MACROD2: variants seen among roughly 807,000 people sequenced by gnomAD.
MACROD2 encodes the protein mono-ADP ribosylhydrolase 2.
MACROD2 carries 36 observed loss-of-function variants against 70.4 expected under a neutral mutation model. The ratio of observed to expected loss-of-function variants is 0.51; its 90% CI spans 0.39 to 0.68. MACROD2 has a LOEUF of 0.68. MACROD2 is among the 30% of genes least tolerant of loss of function. The pLI is 0.00. For missense variants in MACROD2, 496 were observed against 538.4 expected (o/e 0.92, Z 0.78); for synonymous variants, 172 against 178.8 (o/e 0.96, Z 0.30).
At chr20:14,104,569 G>T (rs1342996168) in intron 3 of MACROD2, among the ~76,000 whole-genome samples, 1 of 152,162 alleles carries the variant, frequency 6.6e-6, no homozygotes, top group African/African-American at 2.4e-5. Context: ...CTATGGCTTT[G>T]GTTCTTGGAG....
chr20:14,330,839 G>T (rs2122605920), intron 3 of MACROD2, among the ~76,000 whole-genome samples: 1 of 152,108 alleles, frequency 6.6e-6, no homozygotes, highest in South Asian at 2.1e-4. Context: ...TTCTCAGTGT[G>T]TGAAAATGGA....
At chr20:14,429,971 T>G (rs1331421713) in intron 3 of MACROD2, among the ~76,000 whole-genome samples, 2 of 152,168 alleles carry the variant, frequency 1.3e-5, no homozygotes, top group Non-Finnish European at 2.9e-5. Context: ...TCGCTTTCCA[T>G]TTTCTTATAT....
chr20:14,397,435 T>C (rs1177388606), intron 3 of MACROD2, among the ~76,000 whole-genome samples: 1 of 152,236 alleles, frequency 6.6e-6, no homozygotes, highest in African/African-American at 2.4e-5. Context: ...AGTCTACTGT[T>C]CAAAAATAAC....
At chr20:15,751,932 A>G (rs11696970) in intron 8 of MACROD2, among the ~76,000 whole-genome samples, 17,020 of 151,592 alleles carry the variant, frequency 0.11, 1,090 homozygotes, top group Admixed American at 0.14. Flanking sequence ...AGAATGAGGT[A>G]CATGGCTTCC....
intron 8 of MACROD2, among the ~76,000 whole-genome samples, chr20:15,804,906 C>T (rs890947175): frequency 4.6e-5 from 7 of 152,172 alleles, no homozygotes; most frequent in Non-Finnish European, 7.3e-5. Flanking sequence ...ATGATTCCTG[C>T]ATGCCTCAGC....
chr20:14,787,360 A>T (rs1473139159), intron 5 of MACROD2, among the ~76,000 whole-genome samples: 2 of 152,066 alleles, frequency 1.3e-5, no homozygotes, highest in African/African-American at 4.8e-5. Context: ...ACAGAAAAGA[A>T]CATCTGTCAT....
At chr20:15,407,090 G>A (rs115193970) in intron 6 of MACROD2, among the ~76,000 whole-genome samples, 3,373 of 152,268 alleles carry the variant, frequency 0.022, 131 homozygotes, top group African/African-American at 0.077. Flanking sequence ...CCTGCCATGC[G>A]CAGCACCTGC....
chr20:15,648,567 C>A (rs2049589047), intron 8 of MACROD2, among the ~76,000 whole-genome samples: 3 of 152,168 alleles, frequency 2.0e-5, no homozygotes, highest in African/African-American at 7.2e-5. Flanking sequence ...GAAATCACTT[C>A]TTTGTTGTAT....
chr20:15,819,249 A>AT, intron 8 of MACROD2, among the ~76,000 whole-genome samples: 2 of 143,170 alleles, frequency 1.4e-5, no homozygotes, highest in Non-Finnish European at 3.0e-5. Context: ...AAACATATAT[A>AT]AATATTTACA....
intron 7 of MACROD2, among the ~76,000 whole-genome samples, chr20:15,498,027 C>T (rs763949637): frequency 2.0e-5 from 3 of 152,084 alleles, no homozygotes; most frequent in Non-Finnish European, 4.4e-5. Flanking sequence ...TTAAAGAAAA[C>T]GAATAGGATT....
chr20:15,888,929 C>A (rs2064854779), intron 10 of MACROD2, among the ~76,000 whole-genome samples: 1 of 152,184 alleles, frequency 6.6e-6, no homozygotes, highest in Non-Finnish European at 1.5e-5. Flanking sequence ...AGGCCTTTAA[C>A]TGCTGCCTTT....
At chr20:15,651,767 C>T (rs1286147961) in intron 8 of MACROD2, among the ~76,000 whole-genome samples, 1 of 152,144 alleles carries the variant, frequency 6.6e-6, no homozygotes, top group Non-Finnish European at 1.5e-5. Flanking sequence ...GTGGCCCATG[C>T]TCCATAATGA....
intron 11 of MACROD2, 32 bp from the exon 12 acceptor site, chr20:15,937,444 C>T (rs778606354): frequency 3.1e-6 from 5 of 1,609,590 alleles, no homozygotes; most frequent in East Asian, 4.5e-5. Context: ...GAAGGATGAA[C>T]TCTGAGGCAG....
intron 8 of MACROD2, among the ~76,000 whole-genome samples, chr20:15,533,520 C>G (rs1568873448): frequency 6.7e-6 from 1 of 150,134 alleles, no homozygotes; most frequent in Non-Finnish European, 1.5e-5. Flanking sequence ...ATCATCTATC[C>G]AACTTTCTGT....
chr20:14,248,032 C>G (rs960408403), intron 3 of MACROD2, among the ~76,000 whole-genome samples: 1 of 152,160 alleles, frequency 6.6e-6, no homozygotes, highest in African/African-American at 2.4e-5. Context: ...TCTGGTGATG[C>G]AACTGTGCTG....
chr20:14,627,519 T>C (rs1463271178), intron 4 of MACROD2, among the ~76,000 whole-genome samples: 2 of 152,154 alleles, frequency 1.3e-5, no homozygotes, highest in Non-Finnish European at 2.9e-5. Flanking sequence ...CTCACTACTT[T>C]ACAGGCATTG....
At chr20:15,094,029 A>G (rs942550394) in intron 5 of MACROD2, among the ~76,000 whole-genome samples, 4 of 152,174 alleles carry the variant, frequency 2.6e-5, no homozygotes, top group East Asian at 1.9e-4. Context: ...GTCTGGTCCA[A>G]TCTTTCTGTT....
intron 8 of MACROD2, among the ~76,000 whole-genome samples, chr20:15,759,082 G>C (rs1203923247): frequency 7.1e-6 from 1 of 141,358 alleles, no homozygotes; most frequent in Admixed American, 7.5e-5. Flanking sequence ...GGAGGTGGAA[G>C]TTGTAGTGAG....
intron 5 of MACROD2, among the ~76,000 whole-genome samples, chr20:14,887,678 G>A (rs1048850511): frequency 1.2e-4 from 18 of 152,146 alleles, no homozygotes; most frequent in Non-Finnish European, 2.2e-4. Flanking sequence ...GTGAGCCACC[G>A]TGGCTGGCCA....
Sources: gnomAD v4.1 joint callset for allele counts (sites outside exome capture counted in the v4.1 genomes callset) on GRCh38, gnomAD v4.1.1 for gene constraint, MANE v1.5 for transcripts, NCBI Gene and HGNC (gene_info 2026-07-23, HGNC 2026-07-21) for gene names.